The following ZSWIM8 variants were observed in gnomAD, a reference collection of about 807,000 sequenced individuals.
The protein encoded by ZSWIM8 is zinc finger SWIM-type containing 8.
In ZSWIM8, 27 loss-of-function variants were observed where a neutral mutation model predicts 173.7. That is an observed-to-expected ratio of 0.16 (90% CI 0.11 to 0.21). The LOEUF (loss-of-function observed/expected upper bound fraction) is 0.21. ZSWIM8 is among the 10% of genes least tolerant of loss of function. The pLI, the probability that ZSWIM8 is intolerant of heterozygous loss-of-function variation, is 1.00. For synonymous variants in ZSWIM8, 958 were observed against 962.0 expected (o/e 1.00, Z 0.08); for missense variants, 1,627 against 2,428.8 (o/e 0.67, Z 6.94).
chr10:73,795,680 G>T lies in ZSWIM8; in HGVS notation c.3033+17G>T. 1.2e-6 allele frequency: 2 copies of T among 1,607,722 alleles called. No homozygotes were observed. The highest frequency in any genetic ancestry group is 1.7e-6 in the Non-Finnish European group (2 of 1,178,856). On this transcript the variant is annotated intron_variant, in intron 15 of 25. Transcript: ENST00000604729. ...CTTAAGAAGGTAAGAGACTGGGGCT[G>T]GGTGCGGTGGCTCATGCCTGTAATC...
chr10:73,800,248 G>GTCTCTCTTTGGGCTCTGA lies in ZSWIM8; in HGVS notation c.4826-47_4826-30dup. ...GGGAGGTGGGGAGGGAATGTTCTTT[G>GTCTCTCTTTGGGCTCTGA]TCTCTCTTTGGGCTCTGAGTTCCTC... On this transcript the variant is annotated intron_variant, in intron 22 of 25. Coordinates refer to ENST00000604729, the MANE Select transcript of ZSWIM8 (RefSeq NM_001367799.1). This position sits in a 1 kb window ranked among gnomAD's most constrained non-coding sequence, Gnocchi z 4.1. The GTCTCTCTTTGGGCTCTGA allele has an allele frequency of 5.6e-6, 9 of 1,611,396 alleles. No homozygotes were observed. The highest frequency in any genetic ancestry group is 7.6e-6 in the Non-Finnish European group (9 of 1,178,018).
chr10:73,797,501 C>T lies in ZSWIM8; in HGVS notation c.3558C>T (p.Ser1186=). The stretch of plus-strand genomic sequence containing the variant: ...GGGGTCGAGGTCAGGACAGTGACAG[C>T]ATTAGCAGCTCTTCTTCGGACTCCC... ...TSWGRGQDSD[S]ISSSSSDSLG... The change falls in exon 18 of 26, where the codon AGC becomes AGT. Residue 1186 remains serine, a synonymous_variant. Transcript: ENST00000604729. The surrounding 1 kb of genome is among the most constrained non-coding windows in gnomAD (Gnocchi z 5.6). The T allele has an allele frequency of 6.2e-7, 1 of 1,614,000 alleles. No homozygotes were observed. The highest frequency in any genetic ancestry group is 2.2e-5 in the East Asian group (1 of 44,874).
In ZSWIM8 at chr10:73,801,111, G is replaced by A; in HGVS notation, c.5217G>A (p.Arg1739=). The change falls in exon 25 of 26, where the codon CGG becomes CGA. Residue 1739 remains arginine (R), a synonymous_variant. Transcript: ENST00000604729. This position sits in a 1 kb window ranked among gnomAD's most constrained non-coding sequence, Gnocchi z 4.9. ...LQEIVMETLQ[R]LSPAHAHNHL... ...AGATCGTCATGGAGACGCTGCAGCG[G>A]CTGAGTCCCGCTCATGCCCACAACC... The A allele has an allele frequency of 1.3e-6, 2 of 1,579,786 alleles. No individual in the cohort carries two copies. Among genetic ancestry groups the A allele is most frequent in the Non-Finnish European group, 8.6e-7 (1 of 1,163,810 alleles).
chr10:73,795,429 A>T, intron 14 of ZSWIM8, 110 bp from the exon 15 acceptor site: 1 of 1,528,246 alleles, frequency 6.5e-7, no homozygotes. Flanking sequence ...GGTTGGACCA[A>T]GGGAACCCCT....
chr10:73,788,247 A>C (rs2083292274), intron 1 of ZSWIM8, among the ~76,000 whole-genome samples: 1 of 152,134 alleles, frequency 6.6e-6, no homozygotes, highest in African/African-American at 2.4e-5. Context: ...GGTTAAAAAA[A>C]AAAAAAAAAG....
At chr10:73,790,389 A>G in intron 7 of ZSWIM8, 97 bp downstream of exon 7, 4 of 1,495,350 alleles carry the variant, frequency 2.7e-6, no homozygotes, top group Non-Finnish European at 8.9e-7. Flanking sequence ...TGTGACCCCT[A>G]CCTTTTATTC....
Position 73,791,740 on chromosome 10 carries a change from T to A in ZSWIM8, c.1320-119T>A, listed in dbSNP as rs1266202316. 3.7e-6 allele frequency: 5 copies of A among 1,363,030 alleles called. No individual in the cohort carries two copies. Among genetic ancestry groups the A allele is most frequent in the Non-Finnish European group, 4.9e-6 (5 of 1,027,896 alleles). 84.4% of individuals were successfully genotyped at this position (1,363,030 alleles called of 1,614,324 possible). On this transcript the variant is annotated intron_variant, in intron 9 of 25. Transcript: ENST00000604729. This position sits in a 1 kb window ranked among gnomAD's most constrained non-coding sequence, Gnocchi z 6.0. ...AGTGTTTCAGTGATGCTTATGGGGC[T>A]GGGTCAAGAAGTACTTTCCTGTATC...
chr10:73,793,557 T>C (rs1417331917), intron 10 of ZSWIM8, 31 bp from the exon 11 acceptor site: 1 of 1,540,066 alleles, frequency 6.5e-7, no homozygotes, highest in Non-Finnish European at 8.7e-7. Flanking sequence ...GTTGGGACTT[T>C]AACCTGTCTG....
rs775014116 is a variant in ZSWIM8 at position 73,800,826 on chromosome 10, G to T, written c.5122+67G>T. ...TGCTCTCCCCACCTTCCTTATCCCA[G>T]ACCTCCTTCCTAGCTCTTGCTCAGA... On this transcript the variant is annotated intron_variant, in intron 24 of 25. Coordinates refer to ENST00000604729, the MANE Select transcript of ZSWIM8 (RefSeq NM_001367799.1). This position sits in a 1 kb window ranked among gnomAD's most constrained non-coding sequence, Gnocchi z 4.1. 1.6e-6 allele frequency: 2 copies of T among 1,244,632 alleles called. No individual in the cohort carries two copies. The highest frequency in any genetic ancestry group is 2.8e-5 in the South Asian group (2 of 70,304). 77.1% of individuals were successfully genotyped at this position (1,244,632 alleles called of 1,614,324 possible).
chr10:73,798,104 G>A, intron 19 of ZSWIM8, 34 bp downstream of exon 19: 1 of 1,607,014 alleles, frequency 6.2e-7, no homozygotes, highest in Non-Finnish European at 8.5e-7. Flanking sequence ...GTATGGGAGG[G>A]GGATTAATTG....
In ZSWIM8 at chr10:73,796,923, G is replaced by C. The variant is rs115771229; in HGVS notation, c.3183G>C (p.Leu1061=). 1 of 1,614,042 alleles carries C rather than the reference G, an allele frequency of 6.2e-7. No individual in the cohort carries two copies. The highest frequency in any genetic ancestry group is 1.3e-5 in the African/African-American group (1 of 75,060). The change falls in exon 16 of 26, where the codon CTG becomes CTC. Residue 1061 remains leucine, a synonymous_variant. Coordinates refer to ENST00000604729, the MANE Select transcript of ZSWIM8 (RefSeq NM_001367799.1). ...CTGCCCCAGGGGCCCTGCAACCACT[G>C]ACCTCAGGCTCTGCAGGGCCTGCTC... is the stretch of plus-strand genomic sequence containing the variant. The part of the protein sequence containing the change: ...GPSAPGALQP[L]TSGSAGPAQP...
At chr10:73,788,563 A>T in intron 1 of ZSWIM8, 107 bp from the exon 2 acceptor site, 1 of 1,351,328 alleles carries the variant, frequency 7.4e-7, no homozygotes, top group Non-Finnish European at 1.0e-6. Flanking sequence ...TCTTTCTTTC[A>T]TAGTGAAGAT....
At chr10:73,796,236 C>A in intron 15 of ZSWIM8, 1 of 222,374 alleles carries the variant, frequency 4.5e-6, no homozygotes, top group South Asian at 4.7e-5. Flanking sequence ...GTAGTCCCAG[C>A]TACTCGGGAG....
rs1338686271 is a variant in ZSWIM8, at chr10:73,792,316, A to C, written c.1777A>C (p.Ser593Arg). The change falls in exon 10 of 26, where the codon AGT becomes CGT. Residue 593 changes from serine to arginine, a missense_variant. Coordinates refer to ENST00000604729, the MANE Select transcript of ZSWIM8 (RefSeq NM_001367799.1). The surrounding 1 kb of genome is among the most constrained non-coding windows in gnomAD (Gnocchi z 4.3). ...AGCCAAGGCACTGGGTGGGGCTGGC[A>C]GTGGGAGCAAGGGCTCAGCAGGTGG... The part of the protein sequence containing the change: ...GKAKALGGAG[S>R]GSKGSAGGGS... The C allele has an allele frequency of 1.2e-6, 2 of 1,612,346 alleles. No homozygotes were observed. Among genetic ancestry groups the C allele is most frequent in the East Asian group, 4.5e-5 (2 of 44,820 alleles).
chr10:73,790,230 A>G lies in ZSWIM8; in HGVS notation c.879A>G (p.Thr293=), dbSNP rs747239412. ...GTACTTGGTATCTGGATGAATCGAC[A>G]CTCACTGACAACATCAAAAAGACAC... The part of the protein sequence containing the change: ...DQSTWYLDES[T]LTDNIKKTLH... Residue 293 remains threonine (T), a synonymous_variant, in exon 7 of 26, where the codon ACA becomes ACG. Transcript: ENST00000604729. The G allele has an allele frequency of 6.2e-7, 1 of 1,613,684 alleles. No individual in the cohort carries two copies. Among genetic ancestry groups the G allele is most frequent in the South Asian group, 1.1e-5 (1 of 91,046 alleles).
rs767752479 is a variant in ZSWIM8 at position 73,799,337 on chromosome 10, T to A, written c.4512T>A (p.His1504Gln). 2.5e-6 allele frequency: 4 copies of A among 1,610,574 alleles called. No individual in the cohort carries two copies. The highest frequency in any genetic ancestry group is 1.6e-4 in the Middle Eastern group (1 of 6,062). ...TATACCCGGGTCCAGGACTGGGGCA[T>A]GGCCACTCCCCTGGCCTGCACCCCT... is the stretch of plus-strand genomic sequence containing the variant. ...SSLYPGPGLG[H>Q]GHSPGLHPYT... The change falls in exon 21 of 26, where the codon CAT becomes CAA. Residue 1504 changes from histidine to glutamine, a missense_variant. His to Gln is a conservative substitution (Grantham distance 24, BLOSUM62 0). Transcript: ENST00000604729.
In ZSWIM8 at chr10:73,800,304, G is replaced by A; in HGVS notation, c.4834G>A (p.Val1612Ile). Reference sequence around the variant, plus strand: ...GCTCTCACCCCACTTAGTGAGCAGTGTCCATCCAGCATCCACGTTTCCAGC... The same window carrying A: ...GCTCTCACCCCACTTAGTGAGCAGTATCCATCCAGCATCCACGTTTCCAGC... ...PLPTSVALSS[V>I]HPASTFPAIQ... is the part of the protein sequence containing the mutation. Residue 1612 changes from valine to isoleucine, a missense_variant, in exon 23 of 26, where the codon GTC (valine) becomes ATC (isoleucine). By Grantham distance (29) the Val-to-Ile change is conservative. Transcript: ENST00000604729. The surrounding 1 kb of genome is among the most constrained non-coding windows in gnomAD (Gnocchi z 4.1). The A allele has an allele frequency of 1.9e-6, 3 of 1,613,816 alleles. No individual in the cohort carries two copies. Among genetic ancestry groups the A allele is most frequent in the Non-Finnish European group, 2.5e-6 (3 of 1,179,766 alleles).
rs768058025 is a variant in ZSWIM8, at chr10:73,800,158, A to G, written c.4813A>G (p.Thr1605Ala). The change falls in exon 22 of 26, where the codon ACC (threonine) becomes GCC (alanine). Residue 1605 changes from threonine (T) to alanine (A), a missense_variant. Thr to Ala is a moderately conservative substitution (Grantham distance 58, BLOSUM62 0). This residue lies in a region of ZSWIM8 where 275 missense variants were observed against 290.1 expected (regional missense o/e 0.95). Coordinates refer to ENST00000604729, the MANE Select transcript of ZSWIM8 (RefSeq NM_001367799.1). This position sits in a 1 kb window ranked among gnomAD's most constrained non-coding sequence, Gnocchi z 4.1. ...YHTEPGLPLP[T>A]SVALSSVHPA... Reference sequence around the variant, plus strand: ...CACAGAGCCAGGGCTTCCACTGCCCACCAGTGTGGCCTGTGAGTTGTGGGG... The same window carrying G: ...CACAGAGCCAGGGCTTCCACTGCCCGCCAGTGTGGCCTGTGAGTTGTGGGG... 6.2e-7 allele frequency: 1 copy of G among 1,613,650 alleles called. No homozygotes were observed. Among genetic ancestry groups the G allele is most frequent in the Non-Finnish European group, 8.5e-7 (1 of 1,179,812 alleles).
rs764695907 is a variant in ZSWIM8 at position 73,800,342 on chromosome 10, C to T, written c.4872C>T (p.Ala1624=). The change falls in exon 23 of 26, where the codon GCC becomes GCT. Residue 1624 remains alanine (A), a synonymous_variant. Transcript: ENST00000604729. This position sits in a 1 kb window ranked among gnomAD's most constrained non-coding sequence, Gnocchi z 4.1. ...CCACGTTTCCAGCCATCCAAGGTGCCTCACTGCCTGCCCTGACCACACAGC... is the reference window on the plus strand; with the variant it reads ...CCACGTTTCCAGCCATCCAAGGTGCTTCACTGCCTGCCCTGACCACACAGC... ...PASTFPAIQG[A]SLPALTTQPS... is the part of the protein sequence containing the mutation. 5 of 1,613,960 alleles carry T rather than the reference C, an allele frequency of 3.1e-6. No homozygotes were observed. In the South Asian group the frequency reaches 3.3e-5, roughly 11 times the overall value.
Sources: allele counts gnomAD v4.1 joint callset (sites outside exome capture counted in the v4.1 genomes callset), GRCh38; gene constraint gnomAD v4.1.1; regional missense constraint gnomAD v4.1.1; non-coding constraint Gnocchi (gnomAD v3.1); transcripts MANE v1.5; gene names NCBI Gene and HGNC (gene_info 2026-07-23, HGNC 2026-07-21).